CBX3: variants seen among roughly 807,000 people sequenced by gnomAD.
CBX3 encodes chromobox protein homolog 3.
A neutral mutation model predicts 22.6 loss-of-function variants in CBX3; 5 were observed. That is an observed-to-expected ratio of 0.22 (90% CI 0.12 to 0.47). CBX3 has a LOEUF of 0.47. Ranked by LOEUF, CBX3 falls within the 20% of genes least tolerant of loss-of-function variation. CBX3 has a pLI of 0.99. For missense variants in CBX3, 83 were observed against 208.1 expected (o/e 0.40, Z 3.70); for synonymous variants, 50 against 66.6 (o/e 0.75, Z 1.21).
Position 26,208,484 on chromosome 7 carries a change from G to A in CBX3, c.259G>A (p.Asp87Asn), listed in dbSNP as rs1554339996. The change falls in exon 4 of 6, where the codon GAT becomes AAT. Residue 87 changes from aspartate to asparagine, a missense_variant. This residue lies in a region of CBX3 where 59 missense variants were observed against 155.0 expected (regional missense o/e 0.38). Transcript: ENST00000396386. ...CTCTCAGAAAGCTGGCAAAGAAAAA[G>A]ATGGTACAAAAAGAAAATCTTTATC... ...LNSQKAGKEK[D>N]GTKRKSLSDS... 2 of 1,613,866 alleles carry A rather than the reference G, an allele frequency of 1.2e-6. No homozygotes were observed. Among genetic ancestry groups the A allele is most frequent in the Admixed American group, 1.7e-5 (1 of 60,014 alleles).
At chr7:26,203,062 C>CT (rs754806428) in intron 2 of CBX3, 40 bp downstream of exon 2, 5 of 1,383,706 alleles carry the variant, frequency 3.6e-6, no homozygotes, top group South Asian at 1.3e-5. Flanking sequence ...GGATTTAACT[C>CT]AAGTTTTTTT....
At chr7:26,202,906 A>G in intron 1 of CBX3, 65 bp from the exon 2 acceptor site, 1 of 1,005,906 alleles carries the variant, frequency 9.9e-7, no homozygotes, top group Non-Finnish European at 1.6e-6. Flanking sequence ...ATCCAAACAG[A>G]ATTTGTATTT....
intron 1 of CBX3, chr7:26,202,686 T>TAC (rs1784569520): frequency 2.7e-6 from 1 of 375,378 alleles, no homozygotes; most frequent in Non-Finnish European, 4.8e-6. Context: ...GACTTTATTA[T>TAC]AAATGGGACT....
intron 2 of CBX3, among the ~76,000 whole-genome samples, chr7:26,204,028 C>A (rs1204345092): frequency 6.6e-6 from 1 of 152,116 alleles, no homozygotes; most frequent in Non-Finnish European, 1.5e-5. Context: ...TCTTAACTTT[C>A]CATTTTAAAA....
intron 2 of CBX3, among the ~76,000 whole-genome samples, chr7:26,203,466 T>C (rs1351439320): frequency 6.6e-6 from 1 of 152,240 alleles, no homozygotes; most frequent in Non-Finnish European, 1.5e-5. Context: ...ATTGAATCTT[T>C]CAAATTACTT....
chr7:26,209,631 C>T (rs1231874343), intron 4 of CBX3, among the ~76,000 whole-genome samples: 1 of 151,962 alleles, frequency 6.6e-6, no homozygotes, highest in East Asian at 1.9e-4. Flanking sequence ...AAACACTTTT[C>T]TTGGCATGAA....
In CBX3 at chr7:26,206,361, A is replaced by G; in HGVS notation, c.25-7A>G. The G allele has an allele frequency of 1.6e-6, 1 of 633,448 alleles. No homozygotes were observed. Among genetic ancestry groups the G allele is most frequent in the Non-Finnish European group, 2.3e-6 (1 of 440,460 alleles). 39.2% of individuals were successfully genotyped at this position (633,448 alleles called of 1,614,324 possible). ...TATTTCTTAATTTCTCTTTTGTTTT[A>G]TTTTAGCAAAAAATGGGAAAAAAAC... On this transcript the variant is annotated splice_region_variant and splice_polypyrimidine_tract_variant and intron_variant, in intron 2 of 5. Coordinates refer to ENST00000396386, the MANE Select transcript of CBX3 (RefSeq NM_016587.4).
At position 26,204,515 on chromosome 7, in the gene CBX3, A is replaced by C. The variant is rs1242573907; in HGVS notation, c.24+1493A>C. Among the ~76,000 whole-genome samples, 5 of 152,322 alleles carry C rather than the reference A, an allele frequency of 3.3e-5. No individual in the cohort carries two copies. In the East Asian group the frequency reaches 9.6e-4, roughly 29 times the overall value. ...CTTAGAAATGGTATCCAAAAACGTCAGGTGTTTGCTGCATGTTTTTGTATT... is the reference window on the plus strand; with the variant it reads ...CTTAGAAATGGTATCCAAAAACGTCCGGTGTTTGCTGCATGTTTTTGTATT... On this transcript the variant is annotated intron_variant, in intron 2 of 5. Transcript: ENST00000396386.
At chr7:26,211,078 TAAAA>T (rs74744309) in intron 4 of CBX3, among the ~76,000 whole-genome samples, 22 of 106,704 alleles carry the variant, frequency 2.1e-4, no homozygotes, top group Admixed American at 8.8e-4. Context: ...GCTGATGAGC[TAAAA>T]AAAAAAAAAA....
At chr7:26,201,644 G>T (rs982256190), upstream of CBX3, 1 of 136,864 alleles carries the variant, frequency 7.3e-6, no homozygotes, top group Non-Finnish European at 1.6e-5. Flanking sequence ...CCCTCCCCCC[G>T]CCGGGCGCGC....
intron 1 of CBX3, chr7:26,202,067 G>A (rs1405866948): frequency 1.3e-5 from 2 of 151,530 alleles, no homozygotes; most frequent in African/African-American, 4.8e-5. Context: ...CTGTGGCGAC[G>A]GTTGCCCCAT....
chr7:26,207,746 G>C (rs753818947), intron 3 of CBX3, among the ~76,000 whole-genome samples: 5 of 151,964 alleles, frequency 3.3e-5, no homozygotes, highest in Non-Finnish European at 1.5e-5. Flanking sequence ...CCAAACTCCT[G>C]ACCTCAAGTG....
rs1163986386 is a variant in CBX3 at position 26,212,621 on chromosome 7, A to C, written c.*413A>C. ...GTGTGTGTGTGTGTGTGTATCCATA[A>C]AATGCATATGTAAATTTTTTTTTGT... On this transcript the variant is annotated 3_prime_UTR_variant, in exon 6 of 6. Transcript: ENST00000396386. 4.0e-5 allele frequency: 6 copies of C among 151,670 alleles called. No homozygotes were observed. Among genetic ancestry groups the C allele is most frequent in the Admixed American group, 1.3e-4 (2 of 15,246 alleles). 9.4% of individuals were successfully genotyped at this position (151,670 alleles called of 1,614,324 possible).
chr7:26,213,394 G>A lies in CBX3; in HGVS notation c.*1186G>A, dbSNP rs1784859068. The A allele has an allele frequency of 6.7e-6, 1 of 149,586 alleles. No individual in the cohort carries two copies. The highest frequency in any genetic ancestry group is 2.1e-4 in the South Asian group (1 of 4,736). 9.3% of individuals were successfully genotyped at this position (149,586 alleles called of 1,614,324 possible). A position where few individuals can be genotyped will look rare whatever the true frequency, so the allele number is the denominator to read the frequency against. On this transcript the variant is annotated 3_prime_UTR_variant, in exon 6 of 6. Transcript: ENST00000396386. Reference sequence around the variant, plus strand: ...TTTCTTTATTTGATATGCCTTTACAGTAGAAATAGAAATGCCCACACTCAT... The same window carrying A: ...TTTCTTTATTTGATATGCCTTTACAATAGAAATAGAAATGCCCACACTCAT...
intron 5 of CBX3, 52 bp downstream of exon 5, chr7:26,211,808 T>A (rs764405458): frequency 5.3e-6 from 7 of 1,315,248 alleles, no homozygotes; most frequent in South Asian, 4.1e-5. Context: ...TTTTTTTTTT[T>A]AATTTGTGAA....
intron 3 of CBX3, among the ~76,000 whole-genome samples, chr7:26,207,292 G>T (rs1177895845): frequency 6.6e-6 from 1 of 152,156 alleles, no homozygotes; most frequent in East Asian, 1.9e-4. Flanking sequence ...ATTATGAATT[G>T]AATGGGAGAT....
chr7:26,203,870 A>C (rs1277066629), intron 2 of CBX3, among the ~76,000 whole-genome samples: 1 of 152,144 alleles, frequency 6.6e-6, no homozygotes, highest in Non-Finnish European at 1.5e-5. Flanking sequence ...TTCTGCATTA[A>C]GTCTGTTTAC....
At chr7:26,201,637 T>A (rs1012233389), upstream of CBX3, 1 of 131,908 alleles carries the variant, frequency 7.6e-6, no homozygotes, top group Non-Finnish European at 1.6e-5. Context: ...GCGCGGCCCC[T>A]CCCCCCGCCG....
intron 4 of CBX3, among the ~76,000 whole-genome samples, chr7:26,211,346 C>A (rs1437058911): frequency 2.0e-5 from 3 of 152,102 alleles, no homozygotes; most frequent in Non-Finnish European, 4.4e-5. Flanking sequence ...ACTTTCAAGA[C>A]TTTATTATTA....
Sources: allele counts gnomAD v4.1 joint callset (sites outside exome capture counted in the v4.1 genomes callset), GRCh38; gene constraint gnomAD v4.1.1; regional missense constraint gnomAD v4.1.1; transcripts MANE v1.5; gene names NCBI Gene and HGNC (gene_info 2026-07-23, HGNC 2026-07-21).